REPS1: variants seen among roughly 807,000 people sequenced by gnomAD.
REPS1 encodes the protein ralBP1-associated Eps domain-containing protein 1.
In REPS1, 39 loss-of-function variants were observed where a neutral mutation model predicts 100.9. The observed-to-expected ratio is 0.39, with a 90% CI of 0.30 to 0.50. REPS1 has a LOEUF of 0.50. Among genes scored for constraint, REPS1 ranks in the 20% least tolerant of loss-of-function variants. The probability of loss-of-function intolerance (pLI) is 0.86; values close to 1 mark genes in which losing one functional copy is unlikely to be tolerated. For missense variants in REPS1, 821 were observed against 968.5 expected, an observed-to-expected ratio of 0.85 and a Z score of 2.02; for synonymous variants, 324 against 340.3, an observed-to-expected ratio of 0.95 and a Z score of 0.53.
At position 138,987,875 on chromosome 6, in the gene REPS1, G is replaced by C. The variant is rs1031824115; in HGVS notation, c.-193C>G. 7.8e-6 allele frequency: 4 copies of C among 514,172 alleles called. No homozygotes were observed. The highest frequency in any genetic ancestry group is 1.2e-5 in the Non-Finnish European group (4 of 337,252). 31.9% of individuals were successfully genotyped at this position (514,172 alleles called of 1,614,324 possible). On this transcript the variant is annotated 5_prime_UTR_variant, in exon 1 of 20. Transcript: ENST00000450536. ...GGTCGCGAGGAGGGGGCCCGGCTGC[G>C]CTCGCCGCGCCGCTGCCTGCGAGGC... is the stretch of plus-strand genomic sequence containing the variant.
chr6:138,942,353 T>C (rs959891017), intron 7 of REPS1, among the ~76,000 whole-genome samples: 7 of 152,234 alleles, frequency 4.6e-5, no homozygotes, highest in African/African-American at 1.4e-4. Flanking sequence ...CAGCACTCTA[T>C]GCTACCAAAA....
In REPS1 at chr6:138,985,435, G is replaced by C. The variant is rs551709464; in HGVS notation, c.153+2095C>G. On this transcript the variant is annotated intron_variant, in intron 1 of 19. Coordinates refer to ENST00000450536, the MANE Select transcript of REPS1 (RefSeq NM_001286611.2). ...AGCCCAGTGTTAAGTAGAGAACTAA[G>C]CATTAGATATGAGCTGCCCCAAATG... Among the ~76,000 whole-genome samples the C allele has an allele frequency of 2.6e-5, 4 of 152,308 alleles. No individual in the cohort carries two copies. The South Asian group carries it at 8.3e-4, about 32-fold the overall frequency.
intron 1 of REPS1, among the ~76,000 whole-genome samples, chr6:138,978,652 C>G (rs1784738792): frequency 6.6e-6 from 1 of 152,024 alleles, no homozygotes; most frequent in African/African-American, 2.4e-5. Context: ...TGACTCTTTT[C>G]TTAAGTTTAT....
chr6:138,926,273 C>A (rs1582746060), intron 10 of REPS1, 128 bp downstream of exon 10: 8 of 614,848 alleles, frequency 1.3e-5, no homozygotes, highest in South Asian at 4.7e-5. Context: ...ACACAAAAAC[C>A]AAAAAGCCTG....
chr6:138,956,363 C>A (rs190326780), intron 1 of REPS1, among the ~76,000 whole-genome samples: 18 of 152,082 alleles, frequency 1.2e-4, no homozygotes, highest in African/African-American at 4.3e-4. Flanking sequence ...CAGAGACTCA[C>A]CCAGAAATGC....
intron 2 of REPS1, among the ~76,000 whole-genome samples, chr6:138,946,695 A>T (rs567788378): frequency 7.2e-4 from 110 of 152,210 alleles, no homozygotes; most frequent in Non-Finnish European, 1.2e-3. Context: ...ACAGAATTTT[A>T]CAGAAATTTT....
At chr6:138,939,270 C>T (rs554408569) in intron 8 of REPS1, among the ~76,000 whole-genome samples, 1 of 148,396 alleles carries the variant, frequency 6.7e-6, no homozygotes, top group East Asian at 1.9e-4. Context: ...AAACCATATG[C>T]TGTGAGGGGG....
At chr6:138,928,974 A>G (rs1781320788) in intron 9 of REPS1, 1 of 152,270 alleles carries the variant, frequency 6.6e-6, no homozygotes, top group East Asian at 1.9e-4. Context: ...ATAAAGCAGG[A>G]AATAGTATAA....
intron 1 of REPS1, among the ~76,000 whole-genome samples, chr6:138,968,801 T>A (rs530834905): frequency 6.6e-6 from 1 of 152,274 alleles, no homozygotes; most frequent in South Asian, 2.1e-4. Context: ...GGCCTATCTG[T>A]CCTTTATTAA....
chr6:138,951,337 A>G (rs969184977), intron 1 of REPS1, among the ~76,000 whole-genome samples: 1 of 152,212 alleles, frequency 6.6e-6, no homozygotes, highest in Non-Finnish European at 1.5e-5. Flanking sequence ...CTAAAAGATC[A>G]TAATTTTTCT....
In REPS1 at chr6:138,952,149, T is replaced by C. The variant is rs551732836; in HGVS notation, c.154-4236A>G. ...TAAAATAAAATAGTAGTTAAGGATA[T>C]AGAATTTAAAGTTCCTACATCCCCA... On this transcript the variant is annotated intron_variant, in intron 1 of 19. Transcript: ENST00000450536. 1.5e-4 allele frequency among the ~76,000 whole-genome samples: 23 copies of C among 152,236 alleles called. No individual in the cohort carries two copies. The South Asian group carries it at 4.1e-3, about 27-fold the overall frequency.
intron 15 of REPS1, among the ~76,000 whole-genome samples, chr6:138,914,101 A>G (rs1780195570): frequency 6.7e-6 from 1 of 150,180 alleles, no homozygotes; most frequent in South Asian, 2.1e-4. Context: ...ACAGGGTCTC[A>G]CTCTGTCATC....
intron 10 of REPS1, among the ~76,000 whole-genome samples, chr6:138,923,734 T>C (rs1264851231): frequency 1.3e-5 from 2 of 152,204 alleles, no homozygotes; most frequent in Non-Finnish European, 2.9e-5. Flanking sequence ...ACTAACCATC[T>C]GGTTTGCAAA....
chr6:138,910,689 T>C (rs966156079), intron 17 of REPS1, among the ~76,000 whole-genome samples: 3 of 152,146 alleles, frequency 2.0e-5, no homozygotes, highest in African/African-American at 7.2e-5. Flanking sequence ...CAGTCTCACA[T>C]ATTCCTTTAT....
chr6:138,941,185 T>A, intron 8 of REPS1, 150 bp downstream of exon 8: 1 of 789,164 alleles, frequency 1.3e-6, no homozygotes, highest in East Asian at 2.6e-5. Flanking sequence ...GCTTGGCCCA[T>A]ACATCCTATT....
At chr6:138,947,572 A>G (rs1336573061) in intron 2 of REPS1, among the ~76,000 whole-genome samples, 4 of 152,218 alleles carry the variant, frequency 2.6e-5, no homozygotes, top group Non-Finnish European at 5.9e-5. Context: ...ATAGTCAAAT[A>G]CAGATGAAGT....
chr6:138,962,582 A>G (rs543134245), intron 1 of REPS1, among the ~76,000 whole-genome samples: 1 of 152,328 alleles, frequency 6.6e-6, no homozygotes, highest in African/African-American at 2.4e-5. Flanking sequence ...AATAGAATAA[A>G]TAATACAAGA....
chr6:138,945,874 G>T (rs1782580267), intron 2 of REPS1, among the ~76,000 whole-genome samples, 177 bp from the exon 3 acceptor site: 2 of 152,166 alleles, frequency 1.3e-5, no homozygotes, highest in Non-Finnish European at 2.9e-5. Flanking sequence ...TATTTAGGGA[G>T]ACTCTTATCT....
At chr6:138,971,387 C>T (rs963787890) in intron 1 of REPS1, among the ~76,000 whole-genome samples, 12 of 151,920 alleles carry the variant, frequency 7.9e-5, no homozygotes, top group Admixed American at 7.9e-4. Flanking sequence ...AACCCAGCAC[C>T]CTCATCTCTA....
Sources: allele counts gnomAD v4.1 joint callset (sites outside exome capture counted in the v4.1 genomes callset), GRCh38; gene constraint gnomAD v4.1.1; transcripts MANE v1.5; gene names NCBI Gene and HGNC (gene_info 2026-07-23, HGNC 2026-07-21).